LRRC4C: variants seen among roughly 807,000 people sequenced by gnomAD.
LRRC4C encodes the protein leucine rich repeat containing 4C, also known as leucine-rich repeat-containing protein 4C.
Under a neutral mutation model 33.6 loss-of-function variants are expected in LRRC4C, and 5 were observed. The observed-to-expected ratio is 0.15, with a 90% CI of 0.08 to 0.31. The LOEUF is 0.31. Among genes scored for constraint, LRRC4C ranks in the 10% least tolerant of loss-of-function variants. The pLI is 1.00. For missense variants in LRRC4C, 560 were observed against 796.7 expected, an observed-to-expected ratio of 0.70 and a Z score of 3.58; for synonymous variants, 329 against 302.0, an observed-to-expected ratio of 1.09 and a Z score of -0.93.
chr11:40,421,291 A>G (rs1950514263), intron 3 of LRRC4C, among the ~76,000 whole-genome samples: 1 of 152,190 alleles, frequency 6.6e-6, no homozygotes, highest in African/African-American at 2.4e-5. Flanking sequence ...GTATTAGACA[A>G]TTTGGGTGGT....
At chr11:40,570,907 A>G (rs189286883) in intron 3 of LRRC4C, among the ~76,000 whole-genome samples, 1 of 152,186 alleles carries the variant, frequency 6.6e-6, no homozygotes, top group African/African-American at 2.4e-5. Context: ...AAATAAATTT[A>G]AAGATTTTTT....
intron 5 of LRRC4C, among the ~76,000 whole-genome samples, chr11:40,178,680 C>T (rs1239391427): frequency 6.6e-6 from 1 of 152,224 alleles, no homozygotes; most frequent in Admixed American, 6.5e-5. Context: ...TATAGATCAG[C>T]TTCATCCCAT....
chr11:40,114,821 G>C lies in LRRC4C; in HGVS notation c.1472C>G (p.Thr491Ser), dbSNP rs1178150067. 1 of 1,614,142 alleles carries C rather than the reference G, an allele frequency of 6.2e-7. No individual in the cohort carries two copies. Among genetic ancestry groups the C allele is most frequent in the South Asian group, 1.1e-5 (1 of 91,076 alleles). Residue 491 changes from threonine to serine, a missense_variant, in exon 7 of 7, where the codon ACC becomes AGC. Physicochemically the swap from Thr to Ser is moderately conservative, Grantham distance 58. This residue lies in a region of LRRC4C where 455 missense variants were observed against 643.8 expected (regional missense o/e 0.71). Transcript: ENST00000528697. ...VVDWETTNVT[T>S]SLTPQSTRST... ...CCTTGTGCTCTGTGGTGTGAGAGAG[G>C]TGGTCACATTGGTGGTCTCCCAGTC...
intron 4 of LRRC4C, among the ~76,000 whole-genome samples, chr11:40,273,269 G>T: frequency 6.6e-6 from 1 of 152,094 alleles, no homozygotes; most frequent in Non-Finnish European, 1.5e-5. Context: ...AGGTAATGTG[G>T]TAAGTGTTAT....
At chr11:41,320,058 T>G (rs2137263287) in intron 1 of LRRC4C, among the ~76,000 whole-genome samples, 1 of 152,266 alleles carries the variant, frequency 6.6e-6, no homozygotes, top group South Asian at 2.1e-4. Flanking sequence ...AAGTATAGAA[T>G]TTTGACTATG....
intron 2 of LRRC4C, among the ~76,000 whole-genome samples, chr11:40,828,641 A>G (rs1209136564): frequency 6.6e-6 from 1 of 151,922 alleles, no homozygotes; most frequent in East Asian, 1.9e-4. Flanking sequence ...GACAGGAAAA[A>G]AAATAGTCTT....
At chr11:41,163,348 A>G (rs1351158397) in intron 1 of LRRC4C, among the ~76,000 whole-genome samples, 1 of 118,866 alleles carries the variant, frequency 8.4e-6, no homozygotes, top group Non-Finnish European at 1.6e-5. Flanking sequence ...CAGTGGCGCA[A>G]TCTCTGCTCA....
At chr11:41,249,214 T>G (rs528761096) in intron 1 of LRRC4C, among the ~76,000 whole-genome samples, 3 of 152,218 alleles carry the variant, frequency 2.0e-5, no homozygotes, top group Admixed American at 1.3e-4. Context: ...TTTTGTATTT[T>G]TAGTAGAGAC....
At chr11:40,352,376 A>G (rs1021085498) in intron 3 of LRRC4C, among the ~76,000 whole-genome samples, 1 of 151,970 alleles carries the variant, frequency 6.6e-6, no homozygotes, top group Non-Finnish European at 1.5e-5. Flanking sequence ...CAAAGAGAAA[A>G]CTGATAAAAT....
At chr11:40,157,182 G>T (rs1219040264) in intron 5 of LRRC4C, among the ~76,000 whole-genome samples, 1 of 152,110 alleles carries the variant, frequency 6.6e-6, no homozygotes, top group Non-Finnish European at 1.5e-5. Context: ...TTCAACAAAT[G>T]GTGCTGGGGT....
chr11:41,141,768 G>A (rs1943517527), intron 1 of LRRC4C, among the ~76,000 whole-genome samples: 1 of 152,112 alleles, frequency 6.6e-6, no homozygotes, highest in Non-Finnish European at 1.5e-5. Context: ...GGAAATGTGA[G>A]TCAATTGAAA....
chr11:40,750,571 G>T (rs1225346968), intron 2 of LRRC4C, among the ~76,000 whole-genome samples: 1 of 147,148 alleles, frequency 6.8e-6, no homozygotes, highest in Non-Finnish European at 1.5e-5. Flanking sequence ...ACCAAATACC[G>T]CATGTTCTCA....
rs116192011 is a variant in LRRC4C at position 40,902,293 on chromosome 11, T to G, written c.-407+31342A>C. On this transcript the variant is annotated intron_variant, in intron 2 of 6. Transcript: ENST00000528697. ...TACTGTTGTTATTGTTTTGGGGCAC[T>G]GTGAACACACCATATAAGATAGTAA... Among the ~76,000 whole-genome samples, 255 of 152,234 alleles carry G rather than the reference T, an allele frequency of 1.7e-3. 2 individuals carry two copies. Among genetic ancestry groups the G allele is most frequent in the African/African-American group, 5.9e-3 (247 of 41,546 alleles).
intron 3 of LRRC4C, among the ~76,000 whole-genome samples, chr11:40,609,140 A>C (rs1960937240): frequency 6.6e-6 from 1 of 152,118 alleles, no homozygotes; most frequent in African/African-American, 2.4e-5. Flanking sequence ...GGCACATAGA[A>C]TATTCTTCAG....
intron 1 of LRRC4C, among the ~76,000 whole-genome samples, chr11:41,187,076 T>C (rs930675471): frequency 2.6e-5 from 4 of 152,122 alleles, no homozygotes; most frequent in African/African-American, 7.2e-5. Context: ...TTTTCATCTA[T>C]GAAATTGTGA....
chr11:40,176,498 G>T lies in LRRC4C; in HGVS notation c.-95-35645C>A, dbSNP rs140079349. 2.3e-3 allele frequency among the ~76,000 whole-genome samples: 350 copies of T among 151,592 alleles called. 2 individuals are homozygous for T. The highest frequency in any genetic ancestry group is 7.8e-3 in the African/African-American group (324 of 41,310). On this transcript the variant is annotated intron_variant, in intron 5 of 6. Coordinates refer to ENST00000528697, the MANE Select transcript of LRRC4C (RefSeq NM_001258419.2). ...AGCAAGGGATAAAATAATTAGATTG[G>T]TGTTTTAAAAGACAACTTTATGGAT...
intron 1 of LRRC4C, among the ~76,000 whole-genome samples, chr11:40,934,810 A>C (rs1957797205): frequency 6.6e-6 from 1 of 152,156 alleles, no homozygotes; most frequent in African/African-American, 2.4e-5. Context: ...ATTTTAGCCC[A>C]GCCAACTCTC....
At chr11:41,231,434 C>A (rs944604803) in intron 1 of LRRC4C, among the ~76,000 whole-genome samples, 9 of 151,178 alleles carry the variant, frequency 6.0e-5, no homozygotes, top group Non-Finnish European at 1.3e-4. Context: ...TACTATGCAG[C>A]CATAAAAAAT....
intron 1 of LRRC4C, among the ~76,000 whole-genome samples, chr11:41,420,276 T>TA (rs1216281103): frequency 6.6e-6 from 1 of 151,820 alleles, no homozygotes; most frequent in Admixed American, 6.6e-5. Context: ...ATGCCACAAA[T>TA]AGAGGAAAAG....
Sources: allele counts gnomAD v4.1 joint callset (sites outside exome capture counted in the v4.1 genomes callset), GRCh38; gene constraint gnomAD v4.1.1; regional missense constraint gnomAD v4.1.1; transcripts MANE v1.5; gene names NCBI Gene and HGNC (gene_info 2026-07-23, HGNC 2026-07-21).